Variants in EPHB1 observed in about 807,000 individuals in gnomAD.
The protein encoded by EPHB1 is EPH receptor B1, also known as ephrin type-B receptor 1.
EPHB1 carries 30 observed loss-of-function variants against 94.4 expected under a neutral mutation model. That is an observed-to-expected ratio of 0.32 (90% CI 0.24 to 0.43). The LOEUF (loss-of-function observed/expected upper bound fraction) is 0.43, where lower values mean the gene tolerates loss of function less well. EPHB1 is among the 20% of genes least tolerant of loss of function. EPHB1 has a pLI of 1.00. For missense variants in EPHB1, 1,055 were observed against 1,308.3 expected (o/e 0.81, Z 2.99); for synonymous variants, 522 against 489.1 (o/e 1.07, Z -0.89).
At chr3:134,988,549 A>G (rs950029442) in intron 3 of EPHB1, among the ~76,000 whole-genome samples, 1 of 152,232 alleles carries the variant, frequency 6.6e-6, no homozygotes, top group African/African-American at 2.4e-5. Flanking sequence ...AAATGAATGC[A>G]CCATTAGGCT....
chr3:135,185,947 T>C (rs1942316671), intron 10 of EPHB1, among the ~76,000 whole-genome samples: 1 of 152,208 alleles, frequency 6.6e-6, no homozygotes. Flanking sequence ...GAGAGCATGG[T>C]CCTCATAGAA....
At chr3:135,043,092 T>C (rs1452481226) in intron 3 of EPHB1, among the ~76,000 whole-genome samples, 5 of 152,010 alleles carry the variant, frequency 3.3e-5, no homozygotes, top group Non-Finnish European at 4.4e-5. Flanking sequence ...TCCACCTGCC[T>C]CAGATTCCCA....
chr3:134,885,105 G>A (rs2037836100), intron 1 of EPHB1, among the ~76,000 whole-genome samples: 1 of 152,216 alleles, frequency 6.6e-6, no homozygotes, highest in Non-Finnish European at 1.5e-5. Context: ...ATGGTAAGGA[G>A]AGACAGCAGA....
intron 1 of EPHB1, among the ~76,000 whole-genome samples, chr3:134,886,203 C>T (rs778989541): frequency 3.3e-5 from 5 of 152,132 alleles, no homozygotes; most frequent in Admixed American, 6.6e-5. Context: ...AGAAGGCATG[C>T]TTGTTACCTG....
chr3:134,889,470 G>A (rs74817423), intron 1 of EPHB1, among the ~76,000 whole-genome samples: 9,560 of 152,076 alleles, frequency 0.063, 336 homozygotes, highest in South Asian at 0.15. Context: ...TATTGTGTTA[G>A]GACAAGTAGA....
chr3:134,940,312 G>C (rs1407508157), intron 2 of EPHB1, among the ~76,000 whole-genome samples: 1 of 152,188 alleles, frequency 6.6e-6, no homozygotes, highest in Non-Finnish European at 1.5e-5. Context: ...TGCAGGCACA[G>C]CACTAGATGA....
chr3:134,965,889 G>A (rs1933722893), intron 3 of EPHB1, among the ~76,000 whole-genome samples: 1 of 152,174 alleles, frequency 6.6e-6, no homozygotes, highest in Non-Finnish European at 1.5e-5. Context: ...AGAAGTGCCT[G>A]CATCTGCGCA....
chr3:135,127,608 C>T (rs2107685276), intron 4 of EPHB1, among the ~76,000 whole-genome samples: 1 of 152,254 alleles, frequency 6.6e-6, no homozygotes, highest in Non-Finnish European at 1.5e-5. Flanking sequence ...AAGGAATTGG[C>T]TTTGGGGGCT....
At chr3:135,043,086 C>T (rs766716856) in intron 3 of EPHB1, among the ~76,000 whole-genome samples, 1 of 152,004 alleles carries the variant, frequency 6.6e-6, no homozygotes, top group Non-Finnish European at 1.5e-5. Flanking sequence ...AAGCAATCCA[C>T]CTGCCTCAGA....
intron 1 of EPHB1, among the ~76,000 whole-genome samples, chr3:134,886,403 A>G (rs182372511): frequency 6.6e-6 from 1 of 152,322 alleles, no homozygotes; most frequent in Admixed American, 6.5e-5. Flanking sequence ...AAACTGAGAG[A>G]CACAGAGAGG....
intron 1 of EPHB1, among the ~76,000 whole-genome samples, chr3:134,805,853 C>A (rs1299980398): frequency 6.6e-6 from 1 of 152,134 alleles, no homozygotes; most frequent in Non-Finnish European, 1.5e-5. Context: ...CCTCTGGGTG[C>A]CCTCACAGCC....
intron 13 of EPHB1, among the ~76,000 whole-genome samples, chr3:135,242,630 C>T (rs1943813743): frequency 6.6e-6 from 1 of 152,128 alleles, no homozygotes; most frequent in Non-Finnish European, 1.5e-5. Context: ...TGTCTAGGTC[C>T]TCTATTATCT....
intron 4 of EPHB1, among the ~76,000 whole-genome samples, chr3:135,119,523 G>T (rs1438900535): frequency 6.6e-6 from 1 of 152,004 alleles, no homozygotes; most frequent in East Asian, 1.9e-4. Context: ...GGCAATCTAG[G>T]TTCACTGCAA....
intron 3 of EPHB1, among the ~76,000 whole-genome samples, chr3:135,091,883 A>C (rs908957909): frequency 2.6e-5 from 4 of 152,106 alleles, no homozygotes; most frequent in African/African-American, 7.2e-5. Context: ...GGGGCTCTGG[A>C]AAAAGTGAGA....
At chr3:134,900,727 G>A (rs765648108) in intron 1 of EPHB1, among the ~76,000 whole-genome samples, 6 of 152,180 alleles carry the variant, frequency 3.9e-5, no homozygotes, top group South Asian at 2.1e-4. Flanking sequence ...GTGCATGTGT[G>A]TGTGTGAGCA....
At chr3:134,962,407 A>T (rs906472321) in intron 3 of EPHB1, among the ~76,000 whole-genome samples, 9 of 152,042 alleles carry the variant, frequency 5.9e-5, no homozygotes, top group African/African-American at 2.2e-4. Context: ...CATCTCTAGT[A>T]TCAGGACATT....
chr3:134,933,782 C>T (rs1484351933), intron 2 of EPHB1, among the ~76,000 whole-genome samples: 3 of 152,202 alleles, frequency 2.0e-5, no homozygotes, highest in East Asian at 1.9e-4. Context: ...TGCTACCCAT[C>T]GTGGTATCTT....
At chr3:135,090,540 A>T (rs1474992784) in intron 3 of EPHB1, among the ~76,000 whole-genome samples, 1 of 152,218 alleles carries the variant, frequency 6.6e-6, no homozygotes, top group Non-Finnish European at 1.5e-5. Flanking sequence ...TGCTACATCC[A>T]CTATCACTGC....
At chr3:135,072,222 A>C (rs1937743286) in intron 3 of EPHB1, among the ~76,000 whole-genome samples, 1 of 152,054 alleles carries the variant, frequency 6.6e-6, no homozygotes, top group African/African-American at 2.4e-5. Flanking sequence ...CTCTACTAAA[A>C]ATACAAAAAA....
Sources: gnomAD v4.1 joint callset for allele counts (sites outside exome capture counted in the v4.1 genomes callset) on GRCh38, gnomAD v4.1.1 for gene constraint, MANE v1.5 for transcripts, NCBI Gene and HGNC (gene_info 2026-07-23, HGNC 2026-07-21) for gene names.